DCC: variants seen among roughly 807,000 people sequenced by gnomAD.
DCC encodes the protein netrin receptor DCC.
DCC carries 58 observed loss-of-function variants against 172.5 expected under a neutral mutation model. That is an observed-to-expected ratio of 0.34 (90% CI 0.27 to 0.42). The LOEUF (loss-of-function observed/expected upper bound fraction) is 0.42, where lower values mean the gene tolerates loss of function less well. Among genes scored for constraint, DCC ranks in the 10% least tolerant of loss-of-function variants. The pLI is 1.00. For synonymous variants in DCC, 709 were observed against 644.5 expected, an observed-to-expected ratio of 1.10 and a Z score of -1.52; for missense variants, 1,740 against 1,791.0, an observed-to-expected ratio of 0.97 and a Z score of 0.51.
chr18:52,834,266 A>G (rs957409409), intron 2 of DCC, among the ~76,000 whole-genome samples: 2 of 152,190 alleles, frequency 1.3e-5, no homozygotes, highest in African/African-American at 2.4e-5. Context: ...TTGAAGTCCA[A>G]TTCATCTCAT....
chr18:52,799,097 C>T (rs1163444566), intron 2 of DCC, among the ~76,000 whole-genome samples: 1 of 152,198 alleles, frequency 6.6e-6, no homozygotes, highest in Non-Finnish European at 1.5e-5. Context: ...CTATTACAAA[C>T]TCACATGAAA....
In DCC at chr18:53,428,566, A is replaced by ATT. The variant is rs1338321092; in HGVS notation, c.3164-6576_3164-6575dup. 5.8e-5 allele frequency among the ~76,000 whole-genome samples: 2 copies of ATT among 34,298 alleles called. 1 individual carries two copies. The highest frequency in any genetic ancestry group is 1.5e-4 in the Non-Finnish European group (2 of 13,410). 22.5% of individuals were successfully genotyped at this position (34,298 alleles called of 152,430 possible). On this transcript the variant is annotated intron_variant, in intron 21 of 28. Coordinates refer to ENST00000442544, the MANE Select transcript of DCC (RefSeq NM_005215.4). ...TATATATAAATATATTTATATATAT[A>ATT]TTTATATATATAAAATATATATTTT...
At chr18:52,984,713 C>T (rs1019933997) in intron 5 of DCC, among the ~76,000 whole-genome samples, 5 of 152,048 alleles carry the variant, frequency 3.3e-5, no homozygotes, top group African/African-American at 1.2e-4. Context: ...ATAAACAACA[C>T]ATTACTATAG....
At chr18:52,780,765 GGGGAGAA>G (rs564917623) in intron 2 of DCC, among the ~76,000 whole-genome samples, 117 of 152,098 alleles carry the variant, frequency 7.7e-4, no homozygotes, top group Non-Finnish European at 6.6e-4. Context: ...AAGGTCTTCA[GGGGAGAA>G]GGGAGGAGGA....
At position 53,339,754 on chromosome 18, in the gene DCC, C is replaced by G; in HGVS notation, c.2206C>G (p.Pro736Ala). 6.2e-7 allele frequency: 1 copy of G among 1,613,860 alleles called. No homozygotes were observed. The highest frequency in any genetic ancestry group is 8.5e-7 in the Non-Finnish European group (1 of 1,179,888). ...PDQPSSLHVR[P>A]QTNCIIMSWT... ...TCAACCAAGCTCTCTTCATGTGAGG[C>G]CCCAGACTAACTGCATCATCATGAG... The change falls in exon 15 of 29, where the codon CCC becomes GCC. Residue 736 changes from proline (P) to alanine (A), a missense_variant. Transcript: ENST00000442544.
rs139502030 is a variant in DCC, at chr18:52,944,904, A to G, written c.985+19534A>G. On this transcript the variant is annotated intron_variant, in intron 5 of 28. Coordinates refer to ENST00000442544, the MANE Select transcript of DCC (RefSeq NM_005215.4). ...AGAGTATCCAAAGTTTTAGTTGTCT[A>G]TTTATTTTAGTCTGTTTATGAAGGC... 9.2e-5 allele frequency among the ~76,000 whole-genome samples: 14 copies of G among 152,262 alleles called. No individual in the cohort carries two copies. In the South Asian group the frequency reaches 2.9e-3, roughly 32 times the overall value.
intron 13 of DCC, among the ~76,000 whole-genome samples, chr18:53,316,255 G>C (rs2057342678): frequency 6.6e-6 from 1 of 152,160 alleles, no homozygotes; most frequent in Admixed American, 6.5e-5. Flanking sequence ...TCAAAGATCA[G>C]ATGATTGTAG....
intron 2 of DCC, among the ~76,000 whole-genome samples, chr18:52,889,223 T>A (rs1457760527): frequency 6.6e-6 from 1 of 152,120 alleles, no homozygotes; most frequent in Non-Finnish European, 1.5e-5. Flanking sequence ...AGGAAATGAT[T>A]GAATATATTT....
intron 2 of DCC, among the ~76,000 whole-genome samples, chr18:52,785,558 T>G (rs1326811153): frequency 2.0e-5 from 3 of 151,996 alleles, no homozygotes; most frequent in African/African-American, 7.2e-5. Context: ...CTAGGGCTCC[T>G]CCTGGGGTCA....
chr18:52,945,715 CTG>C (rs1399570121), intron 5 of DCC, among the ~76,000 whole-genome samples: 1 of 152,162 alleles, frequency 6.6e-6, no homozygotes, highest in Non-Finnish European at 1.5e-5. Flanking sequence ...GCAGAGACCT[CTG>C]TGCAGTGCAC....
chr18:53,497,714 C>G (rs1296338886), intron 26 of DCC, among the ~76,000 whole-genome samples: 2 of 152,214 alleles, frequency 1.3e-5, no homozygotes, highest in Non-Finnish European at 2.9e-5. Context: ...TTGTATAACA[C>G]CTACCTAAAG....
chr18:52,802,366 A>G (rs2038005856), intron 2 of DCC, among the ~76,000 whole-genome samples: 1 of 152,150 alleles, frequency 6.6e-6, no homozygotes, highest in South Asian at 2.1e-4. Context: ...TTTTGTATAT[A>G]TACATATACA....
intron 1 of DCC, among the ~76,000 whole-genome samples, chr18:52,416,308 T>G (rs2144417015): frequency 6.6e-6 from 1 of 152,052 alleles, no homozygotes; most frequent in African/African-American, 2.4e-5. Flanking sequence ...TGGTCAATTT[T>G]GGAATAGGTG....
intron 1 of DCC, among the ~76,000 whole-genome samples, chr18:52,742,214 C>T (rs1414569193): frequency 6.6e-6 from 1 of 152,184 alleles, no homozygotes; most frequent in Non-Finnish European, 1.5e-5. Flanking sequence ...TTTGTTATGG[C>T]AGCTGAAGCA....
intron 5 of DCC, among the ~76,000 whole-genome samples, chr18:52,959,587 T>C (rs1342301968): frequency 6.6e-6 from 1 of 151,406 alleles, no homozygotes; most frequent in Non-Finnish European, 1.5e-5. Context: ...TCCCAGTGTC[T>C]GTCATTCCCA....
chr18:52,402,851 C>T (rs906400663), intron 1 of DCC, among the ~76,000 whole-genome samples: 1 of 151,986 alleles, frequency 6.6e-6, no homozygotes, highest in Non-Finnish European at 1.5e-5. Context: ...CCTGAATGCT[C>T]ACATAGTGCC....
At chr18:52,586,837 A>C (rs2033685444) in intron 1 of DCC, among the ~76,000 whole-genome samples, 1 of 152,228 alleles carries the variant, frequency 6.6e-6, no homozygotes, top group African/African-American at 2.4e-5. Context: ...TCAAAAGGCC[A>C]TTCCAAAATT....
intron 1 of DCC, among the ~76,000 whole-genome samples, chr18:52,511,280 CAAAAAAA>C (rs5824941): frequency 5.5e-5 from 6 of 110,078 alleles, no homozygotes; most frequent in African/African-American, 1.5e-4. Context: ...GACTCTGTCT[CAAAAAAA>C]AAAAAAAAAA....
chr18:52,438,249 T>C (rs1272970484), intron 1 of DCC, among the ~76,000 whole-genome samples: 1 of 152,182 alleles, frequency 6.6e-6, no homozygotes, highest in Non-Finnish European at 1.5e-5. Flanking sequence ...AGATGGGCAA[T>C]TGTAACTTTG....
Sources: allele counts gnomAD v4.1 joint callset (sites outside exome capture counted in the v4.1 genomes callset), GRCh38; gene constraint gnomAD v4.1.1; transcripts MANE v1.5; gene names NCBI Gene and HGNC (gene_info 2026-07-23, HGNC 2026-07-21).